Variants in FOCAD observed in about 807,000 individuals in gnomAD.
FOCAD encodes the protein KIAA1797.
A neutral mutation model predicts 225.6 loss-of-function variants in FOCAD; 198 were observed. The ratio of observed to expected loss-of-function variants is 0.88; its 90% CI spans 0.78 to 0.99. The LOEUF (loss-of-function observed/expected upper bound fraction) is 0.99. FOCAD is among the 50% of genes least tolerant of loss of function. The pLI is 0.00. For missense variants in FOCAD, 2,713 were observed against 2,123.6 expected (o/e 1.28, Z -5.46); for synonymous variants, 897 against 755.0 (o/e 1.19, Z -3.08).
chr9:20,853,770 A>G (rs192020638), intron 15 of FOCAD, among the ~76,000 whole-genome samples: 4 of 151,782 alleles, frequency 2.6e-5, no homozygotes, highest in Admixed American at 2.0e-4. Context: ...TTGATAATAA[A>G]CTAGTCTCAG....
At chr9:20,978,273 T>C (rs1198059368) in intron 36 of FOCAD, 66 bp from the exon 37 acceptor site, 3 of 1,026,294 alleles carry the variant, frequency 2.9e-6, no homozygotes, top group African/African-American at 3.3e-5. Context: ...ATTTGAGATA[T>C]TAAAGCCTGA....
chr9:20,899,563 G>A (rs1181111299), intron 21 of FOCAD, among the ~76,000 whole-genome samples: 2 of 151,894 alleles, frequency 1.3e-5, no homozygotes, highest in East Asian at 1.9e-4. Context: ...CTTTTTACTT[G>A]TTGTTAAGAT....
rs182630429 is a variant in FOCAD at position 20,662,634 on chromosome 9, T to G, written c.-78+3808T>G. 1.1e-4 allele frequency among the ~76,000 whole-genome samples: 16 copies of G among 152,284 alleles called. No homozygotes were observed. The East Asian group carries it at 3.1e-3, about 29-fold the overall frequency. ...CCTTTTTATTTCTATTTTTAAATTT[T>G]TTTTTTTAGAGGTGGGGGTCTCATT... On this transcript the variant is annotated intron_variant, in intron 2 of 45. Coordinates refer to the FOCAD transcript ENST00000380249.
At chr9:20,737,550 A>G (rs1827248112) in intron 4 of FOCAD, among the ~76,000 whole-genome samples, 1 of 152,196 alleles carries the variant, frequency 6.6e-6, no homozygotes, top group South Asian at 2.1e-4. Flanking sequence ...TAGCTTAAAT[A>G]CGACTTGAAA....
chr9:20,784,718 C>T (rs1485226472), intron 10 of FOCAD, among the ~76,000 whole-genome samples: 1 of 151,868 alleles, frequency 6.6e-6, no homozygotes, highest in East Asian at 1.9e-4. Flanking sequence ...TAAAGCTGTG[C>T]CAAGTAGATT....
At chr9:20,986,622 T>G (rs561849396) in intron 40 of FOCAD, among the ~76,000 whole-genome samples, 157 bp downstream of exon 40, 2 of 152,278 alleles carry the variant, frequency 1.3e-5, no homozygotes, top group East Asian at 3.9e-4. Flanking sequence ...GGATAGAAAT[T>G]AACAGTTATA....
chr9:20,834,264 A>G (rs759009575), intron 15 of FOCAD, among the ~76,000 whole-genome samples: 3 of 151,940 alleles, frequency 2.0e-5, no homozygotes, highest in Non-Finnish European at 4.4e-5. Flanking sequence ...ACATATGGAC[A>G]CACAGAGGGG....
Position 20,948,323 on chromosome 9 carries a change from G to A in FOCAD, c.3728G>A (p.Cys1243Tyr). The change falls in exon 31 of 44, where the codon TGT (cysteine) becomes TAT (tyrosine). Residue 1243 changes from cysteine (C) to tyrosine (Y), a missense_variant. Transcript: ENST00000338382. ...LGNIVHGLSV[C>Y]GHGKAEDLGS... The stretch of plus-strand genomic sequence containing the variant: ...AACATAGTTCATGGATTGTCTGTGT[G>A]TGGACATGGAAAAGCTGAAGACTTG... 6.2e-7 allele frequency: 1 copy of A among 1,612,410 alleles called. No homozygotes were observed. Among genetic ancestry groups the A allele is most frequent in the South Asian group, 1.1e-5 (1 of 91,032 alleles).
intron 14 of FOCAD, among the ~76,000 whole-genome samples, chr9:20,821,563 TAAAG>T (rs1440263966): frequency 6.6e-6 from 1 of 152,054 alleles, no homozygotes; most frequent in African/African-American, 2.4e-5. Flanking sequence ...TAGGAAAACA[TAAAG>T]AAATTAGGAA....
chr9:20,876,441 A>ATTTGT (rs1270522981), intron 19 of FOCAD, among the ~76,000 whole-genome samples: 10 of 152,106 alleles, frequency 6.6e-5, no homozygotes, highest in African/African-American at 1.9e-4. Context: ...GTGGGGGAAT[A>ATTTGT]TTTGTTGCCA....
intron 2 of FOCAD, among the ~76,000 whole-genome samples, chr9:20,669,964 T>C (rs1329921894): frequency 2.0e-5 from 3 of 152,128 alleles, no homozygotes; most frequent in East Asian, 1.9e-4. Flanking sequence ...TGGTTAATCA[T>C]TGAGGAATTG....
chr9:20,835,154 A>G (rs1355581972), intron 15 of FOCAD, among the ~76,000 whole-genome samples: 1 of 152,046 alleles, frequency 6.6e-6, no homozygotes, highest in Non-Finnish European at 1.5e-5. Flanking sequence ...TGTTCTTTTT[A>G]CAGTATGTTA....
intron 24 of FOCAD, among the ~76,000 whole-genome samples, chr9:20,922,001 CT>C (rs1834482491): frequency 1.3e-5 from 2 of 152,108 alleles, no homozygotes; most frequent in Admixed American, 1.3e-4. Context: ...TAAAACTCAC[CT>C]TTAGGGATTC....
Position 20,866,982 on chromosome 9 carries a change from AG to A in FOCAD, c.2161del (p.Glu721AsnfsTer11), listed in dbSNP as rs758709530. ...GATCCCTGGCCAACTTTAGTGCAGGAGAACACACCATTCTTCATCTGCCTGA... is the reference window on the plus strand; with the variant it reads ...GATCCCTGGCCAACTTTAGTGCAGGAAACACACCATTCTTCATCTGCCTGA... ...YRSLANFSAG[E>X]HTILHLPEKI... On this transcript the variant is annotated frameshift_variant, in exon 18 of 44. Coordinates refer to ENST00000338382, the MANE Select transcript of FOCAD (RefSeq NM_001375567.1). LOFTEE classifies it high-confidence loss of function. The A allele has an allele frequency of 3.8e-6, 6 of 1,574,326 alleles. No homozygotes were observed. In the South Asian group the frequency reaches 6.7e-5, roughly 18 times the overall value.
At chr9:20,752,038 A>G in intron 5 of FOCAD, among the ~76,000 whole-genome samples, 1 of 141,434 alleles carries the variant, frequency 7.1e-6, no homozygotes, top group South Asian at 2.4e-4. Flanking sequence ...GTTTGAGTTC[A>G]TTGTAGATTC....
chr9:20,683,000 TG>T (rs954193743), upstream of FOCAD, among the ~76,000 whole-genome samples: 1 of 152,130 alleles, frequency 6.6e-6, no homozygotes, highest in African/African-American at 2.4e-5. Context: ...AGGCTGGTCT[TG>T]AACTCCGCCC....
intron 8 of FOCAD, among the ~76,000 whole-genome samples, chr9:20,776,949 C>T (rs953891242): frequency 5.9e-5 from 9 of 152,212 alleles, no homozygotes; most frequent in African/African-American, 1.9e-4. Flanking sequence ...TTTCAAAATG[C>T]ATGTATTATC....
At chr9:20,949,419 A>C (rs569555808) in intron 32 of FOCAD, among the ~76,000 whole-genome samples, 185 bp from the exon 33 acceptor site, 3 of 152,310 alleles carry the variant, frequency 2.0e-5, no homozygotes, top group African/African-American at 7.2e-5. Flanking sequence ...GGTACCAGGA[A>C]ATCAATGATA....
chr9:20,901,819 A>G (rs1006731403), intron 21 of FOCAD, among the ~76,000 whole-genome samples: 1 of 151,974 alleles, frequency 6.6e-6, no homozygotes, highest in Admixed American at 6.6e-5. Context: ...AAATTATAAT[A>G]TCTGCTTTAA....
Sources: allele counts gnomAD v4.1 joint callset (sites outside exome capture counted in the v4.1 genomes callset), GRCh38; gene constraint gnomAD v4.1.1; transcripts MANE v1.5; gene names NCBI Gene and HGNC (gene_info 2026-07-23, HGNC 2026-07-21).